The following AKR1C4 variants were observed in gnomAD, a reference collection of about 807,000 sequenced individuals.
AKR1C4 encodes the protein aldo-keto reductase family 1 member C4, also known as 3-alpha-HSD1.
In AKR1C4, 44 loss-of-function variants were observed where a neutral mutation model predicts 41.0. The observed-to-expected ratio is 1.07, with a 90% CI of 0.84 to 1.38. The LOEUF is 1.38. Ranked by LOEUF, AKR1C4 falls within the 40% of genes most tolerant of loss-of-function variation. The probability of loss-of-function intolerance (pLI) is 0.00; values close to 1 mark genes in which losing one functional copy is unlikely to be tolerated. For synonymous variants in AKR1C4, 165 were observed against 137.7 expected (o/e 1.20, Z -1.39); for missense variants, 438 against 387.9 (o/e 1.13, Z -1.09).
intron 1 of AKR1C4, among the ~76,000 whole-genome samples, chr10:5,198,912 G>A (rs1352999032): frequency 6.6e-6 from 1 of 151,336 alleles, no homozygotes; most frequent in Non-Finnish European, 1.5e-5. Flanking sequence ...CAAGGTGGGA[G>A]GATCACTTGA....
At chr10:5,205,016 TCGGTTGTGC>T (rs1832463399) in intron 3 of AKR1C4, among the ~76,000 whole-genome samples, 1 of 152,212 alleles carries the variant, frequency 6.6e-6, no homozygotes, top group Non-Finnish European at 1.5e-5. Flanking sequence ...GTCATGAATT[TCGGTTGTGC>T]ATAACTTTTA....
intron 5 of AKR1C4, among the ~76,000 whole-genome samples, chr10:5,209,230 G>A (rs1554797731): frequency 6.6e-6 from 1 of 152,102 alleles, no homozygotes; most frequent in African/African-American, 2.4e-5. Flanking sequence ...AATCTGCTGG[G>A]TGAAATAAGA....
intron 2 of AKR1C4, 106 bp from the exon 3 acceptor site, chr10:5,204,271 G>T: frequency 4.7e-6 from 4 of 842,170 alleles, no homozygotes. Context: ...TTTTGCCAGA[G>T]GTCATCTGTT....
At chr10:5,214,818 T>C (rs377069469) in intron 7 of AKR1C4, among the ~76,000 whole-genome samples, 55 of 152,294 alleles carry the variant, frequency 3.6e-4, no homozygotes, top group African/African-American at 1.3e-3. Context: ...GAGTATTCCA[T>C]TAAAATTTAG....
At position 5,209,875 on chromosome 10, in the gene AKR1C4, G is replaced by A. The variant is rs1329789804; in HGVS notation, c.571-2741G>A. On this transcript the variant is annotated intron_variant, in intron 5 of 8. Transcript: ENST00000263126. ...GCCAAACCATATCATGCCACCCCTGGCCCCTCCCAAATCTCATGTCCTCAC... is the reference window on the plus strand; with the variant it reads ...GCCAAACCATATCATGCCACCCCTGACCCCTCCCAAATCTCATGTCCTCAC... Among the ~76,000 whole-genome samples, 3 of 152,000 alleles carry A rather than the reference G, an allele frequency of 2.0e-5. No individual in the cohort carries two copies. The East Asian group carries it at 5.8e-4, about 29-fold the overall frequency.
chr10:5,217,589 G>A (rs911454155), intron 8 of AKR1C4, among the ~76,000 whole-genome samples: 2 of 152,144 alleles, frequency 1.3e-5, no homozygotes, highest in African/African-American at 4.8e-5. Flanking sequence ...GCAAAACCCT[G>A]TCTCTACTAA....
chr10:5,197,930 A>G (rs1239685798), intron 1 of AKR1C4, among the ~76,000 whole-genome samples: 1 of 152,138 alleles, frequency 6.6e-6, no homozygotes, highest in Non-Finnish European at 1.5e-5. Flanking sequence ...CAGGGTTGGC[A>G]TCAGGGGAAG....
chr10:5,201,148 G>T (rs1300869723), intron 2 of AKR1C4, among the ~76,000 whole-genome samples: 1 of 151,948 alleles, frequency 6.6e-6, no homozygotes, highest in African/African-American at 2.4e-5. Context: ...TGAATCAAAT[G>T]GTAGATCTAC....
At position 5,206,368 on chromosome 10, in the gene AKR1C4, G is replaced by A. The variant is rs1554797491; in HGVS notation, c.541G>A (p.Gly181Arg). The change falls in exon 5 of 9, where the codon GGA becomes AGA. Residue 181 changes from glycine to arginine, a missense_variant. Coordinates refer to ENST00000263126, the MANE Select transcript of AKR1C4 (RefSeq NM_001818.5). ...GCTGGAGATGATCCTCAACAAGCCA[G>A]GACTCAAGTACAAGCCTGTCTGCAA... Reference protein sequence around the residue: ...RQLEMILNKPGLKYKPVCNQV... With the variant: ...RQLEMILNKPRLKYKPVCNQV... 1.2e-6 allele frequency: 2 copies of A among 1,613,946 alleles called. No homozygotes were observed. Among genetic ancestry groups the A allele is most frequent in the African/African-American group, 1.3e-5 (1 of 74,904 alleles).
chr10:5,203,913 T>A (rs1832442880), intron 2 of AKR1C4, among the ~76,000 whole-genome samples: 1 of 152,188 alleles, frequency 6.6e-6, no homozygotes, highest in South Asian at 2.1e-4. Context: ...CAGTGAAGAG[T>A]GTGGGAGGCA....
intron 2 of AKR1C4, among the ~76,000 whole-genome samples, chr10:5,203,172 G>A (rs1447502815): frequency 1.3e-5 from 2 of 152,056 alleles, no homozygotes; most frequent in Admixed American, 1.3e-4. Context: ...TCAAGGCCAG[G>A]TGCCAGCCTT....
At position 5,212,599 on chromosome 10, in the gene AKR1C4, C is replaced by G. The variant is rs183081289; in HGVS notation, c.571-17C>G. 7.5e-5 allele frequency: 120 copies of G among 1,595,720 alleles called. 1 individual carries two copies. In the East Asian group the frequency reaches 2.2e-3, roughly 29 times the overall value. ...GTTTTGAATTATCTGATGCTTTTCTCTCTTGATCATCTAAAGGTAGAATGT... is the reference window on the plus strand; with the variant it reads ...GTTTTGAATTATCTGATGCTTTTCTGTCTTGATCATCTAAAGGTAGAATGT... On this transcript the variant is annotated splice_polypyrimidine_tract_variant and intron_variant, in intron 5 of 8. Transcript: ENST00000263126.
intron 1 of AKR1C4, 71 bp from the exon 2 acceptor site, chr10:5,200,110 G>C (rs1832374312): frequency 1.9e-6 from 3 of 1,556,224 alleles, no homozygotes; most frequent in African/African-American, 2.7e-5. Context: ...GTGAGGACAA[G>C]GGAACTTTTC....
rs537337052 is a variant in AKR1C4 at position 5,211,090 on chromosome 10, C to T, written c.571-1526C>T. ...CCCTAGACTGCACACAGAATGGAGA[C>T]CCTGGGCCCAGCCCATGAAACCATT... is the stretch of plus-strand genomic sequence containing the variant. On this transcript the variant is annotated intron_variant, in intron 5 of 8. Transcript: ENST00000263126. Among the ~76,000 whole-genome samples the T allele has an allele frequency of 2.0e-5, 3 of 152,306 alleles. No homozygotes were observed. The East Asian group carries it at 5.8e-4, about 29-fold the overall frequency.
chr10:5,215,508 T>TC (rs1564405068), intron 7 of AKR1C4, among the ~76,000 whole-genome samples: 1 of 152,128 alleles, frequency 6.6e-6, no homozygotes, highest in Non-Finnish European at 1.5e-5. Context: ...AGCTTTAAGT[T>TC]CCAACATTAG....
intron 7 of AKR1C4, among the ~76,000 whole-genome samples, chr10:5,216,269 A>G (rs1282653730): frequency 1.3e-5 from 2 of 152,234 alleles, no homozygotes; most frequent in Admixed American, 1.3e-4. Context: ...GGATGCCCCC[A>G]GGGCACAAAC....
At chr10:5,211,196 A>G (rs1279558248) in intron 5 of AKR1C4, among the ~76,000 whole-genome samples, 1 of 152,076 alleles carries the variant, frequency 6.6e-6, no homozygotes, top group Non-Finnish European at 1.5e-5. Context: ...CCTTGGAGAC[A>G]TTTTCCCCAT....
In AKR1C4 at chr10:5,212,623, G is replaced by A. The variant is rs782744853; in HGVS notation, c.578G>A (p.Cys193Tyr). The A allele has an allele frequency of 1.9e-6, 3 of 1,612,184 alleles. No homozygotes were observed. Among genetic ancestry groups the A allele is most frequent in the East Asian group, 2.2e-5 (1 of 44,878 alleles). The stretch of plus-strand genomic sequence containing the variant: ...TCTCTTGATCATCTAAAGGTAGAAT[G>A]TCATCCTTACCTCAACCAGAGCAAA... ...KYKPVCNQVE[C>Y]HPYLNQSKLL... is the part of the protein sequence containing the mutation. Residue 193 changes from cysteine (C) to tyrosine (Y), a missense_variant, in exon 6 of 9, where the codon TGT becomes TAT. Transcript: ENST00000263126.
intron 7 of AKR1C4, 130 bp downstream of exon 7, chr10:5,213,289 G>A (rs2132138282): frequency 7.1e-7 from 1 of 1,413,344 alleles, no homozygotes; most frequent in Admixed American, 2.6e-5. Flanking sequence ...TGCTTTGTGT[G>A]CATAAGTGTT....
Sources: gnomAD v4.1 joint callset for allele counts (sites outside exome capture counted in the v4.1 genomes callset) on GRCh38, gnomAD v4.1.1 for gene constraint, MANE v1.5 for transcripts, NCBI Gene and HGNC (gene_info 2026-07-23, HGNC 2026-07-21) for gene names.